Variants in FAT3 observed in about 807,000 individuals in gnomAD.
FAT3 encodes the protein FAT atypical cadherin 3.
Under a neutral mutation model 310.2 loss-of-function variants are expected in FAT3, and 95 were observed. The ratio of observed to expected loss-of-function variants is 0.31; its 90% CI spans 0.26 to 0.36. FAT3 has a LOEUF of 0.36. FAT3 is among the 10% of genes least tolerant of loss of function. The pLI is 1.00. For synonymous variants in FAT3, 2,314 were observed against 2,192.9 expected, an observed-to-expected ratio of 1.06 and a Z score of -1.54; for missense variants, 5,408 against 5,715.6, an observed-to-expected ratio of 0.95 and a Z score of 1.74.
intron 3 of FAT3, among the ~76,000 whole-genome samples, chr11:92,593,955 A>G (rs1299671969): frequency 6.6e-6 from 1 of 152,078 alleles, no homozygotes; most frequent in Non-Finnish European, 1.5e-5. Context: ...TCTACTCTAC[A>G]CTGCACACAT....
intron 1 of FAT3, among the ~76,000 whole-genome samples, chr11:92,328,484 T>G: frequency 6.6e-6 from 1 of 152,342 alleles, no homozygotes; most frequent in South Asian, 2.1e-4. Flanking sequence ...AGTAGTGATA[T>G]CCTCTGGGTA....
intron 3 of FAT3, among the ~76,000 whole-genome samples, chr11:92,633,118 G>T (rs1941618951): frequency 6.6e-6 from 1 of 152,200 alleles, no homozygotes; most frequent in South Asian, 2.1e-4. Flanking sequence ...TGACATAGGT[G>T]TGGGTTGACT....
At chr11:92,887,915 C>A (rs1026596700) in intron 25 of FAT3, among the ~76,000 whole-genome samples, 1 of 152,290 alleles carries the variant, frequency 6.6e-6, no homozygotes, top group African/African-American at 2.4e-5. Context: ...AGACAAGCAG[C>A]CTTACCTTAG....
At chr11:92,391,725 C>T (rs573755644) in intron 2 of FAT3, among the ~76,000 whole-genome samples, 96 of 152,316 alleles carry the variant, frequency 6.3e-4, no homozygotes, top group African/African-American at 2.1e-3. Flanking sequence ...AAACAGACAG[C>T]TCTGCAGTTC....
intron 2 of FAT3, among the ~76,000 whole-genome samples, chr11:92,388,195 T>A (rs1949671717): frequency 6.6e-6 from 1 of 152,216 alleles, no homozygotes; most frequent in African/African-American, 2.4e-5. Flanking sequence ...TATATAGTTT[T>A]TTTTTAGGTA....
chr11:92,531,794 G>A (rs923520690), intron 3 of FAT3, among the ~76,000 whole-genome samples: 1 of 151,766 alleles, frequency 6.6e-6, no homozygotes, highest in Non-Finnish European at 1.5e-5. Context: ...GTGAATGTAA[G>A]TACCAACTTC....
chr11:92,865,862 C>G (rs538232651), intron 21 of FAT3, among the ~76,000 whole-genome samples: 1 of 152,210 alleles, frequency 6.6e-6, no homozygotes, highest in African/African-American at 2.4e-5. Flanking sequence ...ATTAGCCTCC[C>G]GGGCGCAGTG....
intron 22 of FAT3, among the ~76,000 whole-genome samples, chr11:92,871,951 G>C (rs563451347): frequency 6.6e-6 from 1 of 151,836 alleles, no homozygotes; most frequent in African/African-American, 2.4e-5. Context: ...AGAGTCGGAT[G>C]CGCAGCCTGC....
intron 7 of FAT3, among the ~76,000 whole-genome samples, chr11:92,780,503 G>C (rs139045321): frequency 6.6e-6 from 1 of 152,074 alleles, no homozygotes; most frequent in Non-Finnish European, 1.5e-5. Flanking sequence ...GAAAAATAAC[G>C]TACTACTGTC....
chr11:92,465,951 G>T (rs540827747), intron 2 of FAT3, among the ~76,000 whole-genome samples: 1 of 152,138 alleles, frequency 6.6e-6, no homozygotes, highest in Non-Finnish European at 1.5e-5. Flanking sequence ...AGTCACAGAT[G>T]TAATTACCAT....
At chr11:92,606,233 A>G (rs1170955481) in intron 3 of FAT3, among the ~76,000 whole-genome samples, 1 of 152,212 alleles carries the variant, frequency 6.6e-6, no homozygotes, top group Non-Finnish European at 1.5e-5. Context: ...CTTCTGTCAC[A>G]GGAGTTTCCT....
At position 92,837,674 on chromosome 11, in the gene FAT3, C is replaced by G. The variant is rs1472854794; in HGVS notation, c.10236C>G (p.Tyr3412Ter). ...KKLDRERVSG[Y>*]SLLVQAVDSG... Reference sequence around the variant, plus strand: ...TTGTACCTTGGCAGGTGTCTGGATACTCTCTGCTTGTCCAGGCCGTAGACA... The same window carrying G: ...TTGTACCTTGGCAGGTGTCTGGATAGTCTCTGCTTGTCCAGGCCGTAGACA... The change falls in exon 17 of 28, where the codon TAC (tyrosine) becomes TAG (stop). Residue 3412 changes from tyrosine to a stop codon, truncating the protein, a stop_gained. Coordinates refer to ENST00000525166, the MANE Select transcript of FAT3 (RefSeq NM_001367949.2). LOFTEE classifies it high-confidence loss of function. 1 of 1,613,774 alleles carries G rather than the reference C, an allele frequency of 6.2e-7. No homozygotes were observed. The highest frequency in any genetic ancestry group is 8.5e-7 in the Non-Finnish European group (1 of 1,179,872).
chr11:92,656,949 G>A (rs954438937), intron 3 of FAT3, among the ~76,000 whole-genome samples: 2 of 147,910 alleles, frequency 1.4e-5, no homozygotes, highest in African/African-American at 4.9e-5. Context: ...ACAGACTGGA[G>A]TATGTGTGTT....
rs370881088 is a variant in FAT3, at chr11:92,547,950, G to A, written c.3607+23002G>A. Among the ~76,000 whole-genome samples, 7 of 152,304 alleles carry A rather than the reference G, an allele frequency of 4.6e-5. No individual in the cohort carries two copies. In the Middle Eastern group the frequency reaches 0.014, roughly 296 times the overall value. ...CTTGGCTTCTTGGGCTCCTGGCCCT[G>A]TGTGGAGAGGCATGGTAAAGGAGAC... On this transcript the variant is annotated intron_variant, in intron 3 of 27. Coordinates refer to ENST00000525166, the MANE Select transcript of FAT3 (RefSeq NM_001367949.2).
chr11:92,527,457 C>T (rs551324738), intron 3 of FAT3, among the ~76,000 whole-genome samples: 5 of 152,150 alleles, frequency 3.3e-5, no homozygotes, highest in South Asian at 2.1e-4. Flanking sequence ...CTCTTTGGAC[C>T]TCACTTACTT....
At chr11:92,597,142 G>T (rs186643349) in intron 3 of FAT3, among the ~76,000 whole-genome samples, 1 of 152,204 alleles carries the variant, frequency 6.6e-6, no homozygotes, top group African/African-American at 2.4e-5. Context: ...TCATATTCTG[G>T]TTGGAAACAA....
chr11:92,626,326 A>G (rs1941332837), intron 3 of FAT3, among the ~76,000 whole-genome samples: 1 of 152,226 alleles, frequency 6.6e-6, no homozygotes, highest in Non-Finnish European at 1.5e-5. Context: ...CCCTGATTTA[A>G]TCAGGGGATT....
rs375647990 is a variant in FAT3, at chr11:92,874,080, A to G, written c.12128-6651A>G. Among the ~76,000 whole-genome samples, 7 of 152,146 alleles carry G rather than the reference A, an allele frequency of 4.6e-5. No homozygotes were observed. The East Asian group carries it at 1.2e-3, about 25-fold the overall frequency. On this transcript the variant is annotated intron_variant, in intron 22 of 27. Coordinates refer to ENST00000525166, the MANE Select transcript of FAT3 (RefSeq NM_001367949.2). Reference sequence around the variant, plus strand: ...TAGAATTTTTCACATCACATAAGCTATTGTTCTTGCTAATTATTTCCTTAT... The same window carrying G: ...TAGAATTTTTCACATCACATAAGCTGTTGTTCTTGCTAATTATTTCCTTAT...
rs756505423 is a variant in FAT3, at chr11:92,234,977, A to C, written c.-18+9803A>C. 4.5e-4 allele frequency among the ~76,000 whole-genome samples: 69 copies of C among 151,720 alleles called. 4 individuals carry two copies. The highest frequency in any genetic ancestry group is 2.4e-4 in the Non-Finnish European group (16 of 67,940). On this transcript the variant is annotated intron_variant, in intron 1 of 27. Transcript: ENST00000525166. Reference sequence around the variant, plus strand: ...TCCCAGCTACTTGGGAAGCTGAGGCAGGAGAATCGCTTCAACCTAGGAGGC... The same window carrying C: ...TCCCAGCTACTTGGGAAGCTGAGGCCGGAGAATCGCTTCAACCTAGGAGGC...
Sources: allele counts gnomAD v4.1 joint callset (sites outside exome capture counted in the v4.1 genomes callset), GRCh38; gene constraint gnomAD v4.1.1; transcripts MANE v1.5; gene names NCBI Gene and HGNC (gene_info 2026-07-23, HGNC 2026-07-21).